Variants in DLEC1 observed in about 807,000 individuals in gnomAD.
DLEC1 encodes DLEC1 cilia and flagella associated protein.
In DLEC1, 146 loss-of-function variants were observed where a neutral mutation model predicts 198.1. The ratio of observed to expected loss-of-function variants is 0.74; its 90% confidence interval spans 0.64 to 0.85. DLEC1 has a LOEUF of 0.85. Among genes scored for constraint, DLEC1 ranks in the 40% least tolerant of loss-of-function variants. DLEC1 has a pLI of 0.00. For missense variants in DLEC1, 2,233 were observed against 2,220.0 expected, an observed-to-expected ratio of 1.01 and a Z score of -0.12; for synonymous variants, 897 against 866.8, an observed-to-expected ratio of 1.03 and a Z score of -0.61.
At chr3:38,039,733 C>A in intron 1 of DLEC1, 97 bp downstream of exon 1, 1 of 1,466,968 alleles carries the variant, frequency 6.8e-7, no homozygotes, top group Non-Finnish European at 9.1e-7. Context: ...GTTCCAGGAT[C>A]TGGGGCTGCA....
chr3:38,051,289 C>G (rs766839486), intron 2 of DLEC1, among the ~76,000 whole-genome samples: 9 of 152,220 alleles, frequency 5.9e-5, no homozygotes, highest in Non-Finnish European at 1.3e-4. Flanking sequence ...GCGCTGGTGA[C>G]AGCCGGGACT....
intron 34 of DLEC1, among the ~76,000 whole-genome samples, chr3:38,121,369 G>T (rs1700451042): frequency 6.6e-6 from 1 of 152,238 alleles, no homozygotes; most frequent in East Asian, 1.9e-4. Flanking sequence ...AACCAGCCAG[G>T]GTGCAGGGAC....
Position 38,100,388 on chromosome 3 carries a change from A to G in DLEC1, c.2827A>G (p.Thr943Ala), listed in dbSNP as rs749381763. 5 of 1,613,702 alleles carry G rather than the reference A, an allele frequency of 3.1e-6. No individual in the cohort carries two copies. The African/African-American group carries it at 6.7e-5, about 22-fold the overall frequency. Residue 943 changes from threonine to alanine, a missense_variant, in exon 19 of 37, where the codon ACC becomes GCC. By Grantham distance (58) the Thr-to-Ala change is moderately conservative. Coordinates refer to ENST00000308059, the MANE Select transcript of DLEC1 (RefSeq NM_007335.4). Reference sequence around the variant, plus strand: ...GGCCCTGCACTGCCAGCATCTGGAGACCGTCCTGGAGCTGGAGGTGGAAAA... The same window carrying G: ...GGCCCTGCACTGCCAGCATCTGGAGGCCGTCCTGGAGCTGGAGGTGGAAAA... ...LEALHCQHLE[T>A]VLELEVENGA...
intron 6 of DLEC1, among the ~76,000 whole-genome samples, chr3:38,064,622 C>T (rs1427677703): frequency 2.7e-5 from 4 of 148,682 alleles, no homozygotes; most frequent in Non-Finnish European, 4.5e-5. Flanking sequence ...CCGGGAAGGG[C>T]GGCTAGCCGG....
In DLEC1 at chr3:38,116,727, T is replaced by C. The variant is rs200928397; in HGVS notation, c.4063-46T>C. The C allele has an allele frequency of 6.2e-6, 10 of 1,608,610 alleles. No individual in the cohort carries two copies. In the East Asian group the frequency reaches 1.8e-4, roughly 29 times the overall value. On this transcript the variant is annotated intron_variant, in intron 28 of 36. Coordinates refer to ENST00000308059, the MANE Select transcript of DLEC1 (RefSeq NM_007335.4). ...CACTGAGGTGTGGCCAGTAGGCTAG[T>C]TGAACCTCAGTGACTGCGTGAACCT...
intron 8 of DLEC1, among the ~76,000 whole-genome samples, chr3:38,085,913 C>A (rs752439430): frequency 6.6e-6 from 1 of 152,140 alleles, no homozygotes; most frequent in African/African-American, 2.4e-5. Flanking sequence ...AATTTGGGAC[C>A]GTGATCCCCC....
In DLEC1 at chr3:38,062,823, A is replaced by G. The variant is rs1038028761; in HGVS notation, c.1094+22A>G. On this transcript the variant is annotated intron_variant, in intron 5 of 36. Transcript: ENST00000308059. ...AGAGGTATGTCTTTCTCTGGCTTGA[A>G]CTCTCAGAAAACCTGGCCCATGAGA... is the stretch of plus-strand genomic sequence containing the variant. 3.1e-6 allele frequency: 5 copies of G among 1,609,872 alleles called. No individual in the cohort carries two copies. The African/African-American group carries it at 6.7e-5, about 22-fold the overall frequency.
chr3:38,112,065 T>C lies in DLEC1; in HGVS notation c.3515-145T>C. On this transcript the variant is annotated intron_variant, in intron 24 of 36. Transcript: ENST00000308059. The surrounding 1 kb of genome is among the most constrained non-coding windows in gnomAD (Gnocchi z 4.8). ...AGTAGCTTGCCTCTGGATTCCAGGC[T>C]CCCAGGAGGAGGGCACATGTAGCCT... The C allele has an allele frequency of 7.6e-7, 1 of 1,309,328 alleles. No homozygotes were observed. The allele number at this position is 1,309,328 out of a possible 1,614,324, so 81.1% of individuals were successfully genotyped here. A position where few individuals can be genotyped will look rare whatever the true frequency, so the allele number is the denominator to read the frequency against.
chr3:38,040,161 C>T (rs186795276), intron 1 of DLEC1, among the ~76,000 whole-genome samples: 1 of 152,150 alleles, frequency 6.6e-6, no homozygotes, highest in African/African-American at 2.4e-5. Flanking sequence ...TGAAGACTCC[C>T]TTAAACTTGT....
At chr3:38,059,883 T>TA in intron 3 of DLEC1, 31 bp downstream of exon 3, 1 of 1,595,870 alleles carries the variant, frequency 6.3e-7, no homozygotes, top group East Asian at 2.2e-5. Context: ...AGGCCTCTGA[T>TA]ACCATTTGGG....
chr3:38,097,267 G>T lies in DLEC1; in HGVS notation c.2426G>T (p.Gly809Val). The part of the protein sequence containing the change: ...CHIIEVEPGT[G>V]VIEPSEVGDF... ...ATCATTGAAGTGGAGCCCGGCACAG[G>T]GGTCATAGGTACCTTGGGGACTGCA... The change falls in exon 16 of 37, where the codon GGG (glycine) becomes GTG (valine). Residue 809 changes from glycine (G) to valine (V), a missense_variant. Physicochemically the swap from Gly to Val is moderately radical, Grantham distance 109. Transcript: ENST00000308059. The T allele has an allele frequency of 6.3e-7, 1 of 1,580,066 alleles. No homozygotes were observed. Among genetic ancestry groups the T allele is most frequent in the East Asian group, 2.3e-5 (1 of 43,068 alleles).
chr3:38,086,495 A>AC, intron 9 of DLEC1, 118 bp downstream of exon 9: 3 of 1,358,226 alleles, frequency 2.2e-6, no homozygotes, highest in Non-Finnish European at 3.0e-6. Flanking sequence ...AGAGTGTTGT[A>AC]AACTCTCTAT....
chr3:38,113,861 TCA>T (rs1700010371), intron 25 of DLEC1, among the ~76,000 whole-genome samples: 1 of 152,146 alleles, frequency 6.6e-6, no homozygotes. Flanking sequence ...GAGGTGATTA[TCA>T]CACTCTTATA....
At chr3:38,110,328 G>C in intron 23 of DLEC1, 47 bp downstream of exon 23, 1 of 1,606,090 alleles carries the variant, frequency 6.2e-7, no homozygotes, top group Non-Finnish European at 8.5e-7. Flanking sequence ...AGCTGGATGG[G>C]GTGTACCCTG....
chr3:38,108,626 TG>T, intron 21 of DLEC1, 111 bp downstream of exon 21: 1 of 832,516 alleles, frequency 1.2e-6, no homozygotes, highest in Non-Finnish European at 1.9e-6. Context: ...TTCTTGTGGG[TG>T]GGGAAGAGAT....
At chr3:38,095,682 G>A in intron 13 of DLEC1, 1 of 577,148 alleles carries the variant, frequency 1.7e-6, no homozygotes, top group Non-Finnish European at 3.1e-6. Context: ...GCTGAGACAG[G>A]CCCCTGAGTC....
Position 38,112,088 on chromosome 3 carries a change from C to T in DLEC1, c.3515-122C>T. On this transcript the variant is annotated intron_variant, in intron 24 of 36. Coordinates refer to ENST00000308059, the MANE Select transcript of DLEC1 (RefSeq NM_007335.4). This position sits in a 1 kb window ranked among gnomAD's most constrained non-coding sequence, Gnocchi z 4.8. ...GCTCCCAGGAGGAGGGCACATGTAG[C>T]CTGACCAAGGAGAGGCTGGAGGGTG... The T allele has an allele frequency of 6.7e-7, 1 of 1,487,928 alleles. No homozygotes were observed. Among genetic ancestry groups the T allele is most frequent in the Non-Finnish European group, 9.2e-7 (1 of 1,086,418 alleles). 92.2% of individuals were successfully genotyped at this position (1,487,928 alleles called of 1,614,324 possible).
At chr3:38,115,173 G>A (rs1700090240) in intron 27 of DLEC1, 120 bp downstream of exon 27, 1 of 1,069,626 alleles carries the variant, frequency 9.3e-7, no homozygotes, top group Non-Finnish European at 1.4e-6. Context: ...AGGTGTCCAG[G>A]GGGCCTGTGG....
chr3:38,084,217 T>G lies in DLEC1; in HGVS notation c.1233T>G (p.Pro411=), dbSNP rs1411509536. The G allele has an allele frequency of 1.2e-6, 2 of 1,612,950 alleles. No homozygotes were observed. Among genetic ancestry groups the G allele is most frequent in the Non-Finnish European group, 1.7e-6 (2 of 1,179,250 alleles). ...TTSRYLRVLP[P]STPYFALGLG... ...GCCGCTACCTGCGAGTCCTCCCGCC[T>G]TCCACGCCATACTTCGCTCTGGGAC... Residue 411 remains proline, a synonymous_variant, in exon 7 of 37, where the codon CCT becomes CCG. Transcript: ENST00000308059.
Sources: allele counts gnomAD v4.1 joint callset (sites outside exome capture counted in the v4.1 genomes callset), GRCh38; gene constraint gnomAD v4.1.1; non-coding constraint Gnocchi (gnomAD v3.1); transcripts MANE v1.5; gene names NCBI Gene and HGNC (gene_info 2026-07-23, HGNC 2026-07-21).